Variants in EDA observed in about 807,000 individuals in gnomAD.
The protein encoded by EDA is ectodysplasin-A.
Under a neutral mutation model 23.6 loss-of-function variants are expected in EDA, and 2 were observed. That is an observed-to-expected ratio of 0.08 (90% CI 0.03 to 0.27). The LOEUF is 0.27. Among genes scored for constraint, EDA ranks in the 10% least tolerant of loss-of-function variants. The pLI is 1.00. For synonymous variants in EDA, 131 were observed against 132.0 expected (o/e 0.99, Z 0.05); for missense variants, 229 against 324.2 (o/e 0.71, Z 2.26).
At chrX:69,638,996 C>T (rs1267909861) in intron 1 of EDA, among the ~76,000 whole-genome samples, 1 of 107,461 alleles carries the variant, frequency 9.3e-6, no homozygotes, top group Non-Finnish European at 1.9e-5. Context: ...TTTGGCTACT[C>T]TAAATACCTC....
chrX:69,785,619 A>G (rs1309568849), intron 1 of EDA, among the ~76,000 whole-genome samples: 3 of 110,586 alleles, frequency 2.7e-5, no homozygotes, highest in Non-Finnish European at 5.7e-5. Flanking sequence ...ATATTGAACC[A>G]GCCTTGCATC....
intron 1 of EDA, among the ~76,000 whole-genome samples, chrX:69,843,643 T>C (rs5980866): frequency 0.23 from 25,320 of 110,107 alleles, 2,323 homozygotes; most frequent in African/African-American, 0.31. Flanking sequence ...AAAATGCAGA[T>C]GGTAAGACTT....
intron 1 of EDA, among the ~76,000 whole-genome samples, chrX:69,910,736 T>C (rs996114018): frequency 3.6e-5 from 4 of 111,636 alleles, no homozygotes; most frequent in Admixed American, 9.7e-5. Flanking sequence ...GGGTGAACTT[T>C]TATCTCAAAT....
At chrX:69,751,610 C>T (rs1218892502) in intron 1 of EDA, among the ~76,000 whole-genome samples, 1 of 111,898 alleles carries the variant, frequency 8.9e-6, no homozygotes, top group Admixed American at 9.4e-5. Context: ...TATAAATTAC[C>T]TTGGACAGTA....
intron 1 of EDA, among the ~76,000 whole-genome samples, chrX:69,869,259 A>G (rs773377746): frequency 9.0e-6 from 1 of 110,799 alleles, no homozygotes; most frequent in African/African-American, 3.3e-5. Context: ...GACCCACTGT[A>G]AGTCTGACCT....
chrX:70,013,868 A>G (rs1333673488), intron 2 of EDA, among the ~76,000 whole-genome samples: 1 of 112,313 alleles, frequency 8.9e-6, no homozygotes, highest in African/African-American at 3.2e-5. Context: ...CCTAAGGAGA[A>G]GAGGCCAGTC....
chrX:69,882,530 A>G (rs1472619904), intron 1 of EDA, among the ~76,000 whole-genome samples: 1 of 111,754 alleles, frequency 8.9e-6, no homozygotes, highest in African/African-American at 3.3e-5. Context: ...GTTCCATTTT[A>G]TGAGGTCCCC....
chrX:69,937,002 C>T (rs1377661398), intron 1 of EDA, among the ~76,000 whole-genome samples: 2 of 104,964 alleles, frequency 1.9e-5, no homozygotes, highest in African/African-American at 3.5e-5. Context: ...GAGATAGGAA[C>T]GATCATACTT....
chrX:69,661,603 A>T lies in EDA; in HGVS notation c.396+44899A>T, dbSNP rs1253232228. Among the ~76,000 whole-genome samples the T allele has an allele frequency of 2.7e-5, 3 of 111,255 alleles. No homozygotes were observed. In the East Asian group the frequency reaches 8.5e-4, roughly 31 times the overall value. On this transcript the variant is annotated intron_variant, in intron 1 of 7. Transcript: ENST00000374552. Reference sequence around the variant, plus strand: ...TCCCAGCACCATTTATTGAATAGGGAATCCTTTACCCATTTCTTGTTTTTG... The same window carrying T: ...TCCCAGCACCATTTATTGAATAGGGTATCCTTTACCCATTTCTTGTTTTTG...
intron 1 of EDA, among the ~76,000 whole-genome samples, chrX:69,678,654 A>C (rs955544570): frequency 2.8e-5 from 3 of 106,450 alleles, no homozygotes; most frequent in African/African-American, 6.9e-5. Flanking sequence ...AATGCTTGTG[A>C]TTTTTGTACA....
intron 1 of EDA, 115 bp from the exon 2 acceptor site, chrX:69,956,912 C>G: frequency 1.6e-6 from 1 of 621,483 alleles, no homozygotes; most frequent in Non-Finnish European, 2.7e-6. Context: ...TGGGCTCAGG[C>G]TTTAGACACA....
At chrX:69,675,417 A>C (rs994630844) in intron 1 of EDA, among the ~76,000 whole-genome samples, 1 of 111,609 alleles carries the variant, frequency 9.0e-6, no homozygotes, top group African/African-American at 3.3e-5. Flanking sequence ...AAATGAATTA[A>C]TTTCCACCCT....
chrX:69,960,512 T>G (rs1452532970), intron 2 of EDA, among the ~76,000 whole-genome samples: 1 of 111,171 alleles, frequency 9.0e-6, no homozygotes, highest in Non-Finnish European at 1.9e-5. Flanking sequence ...AAGTCTACAC[T>G]AAACATCACT....
chrX:69,836,280 G>A (rs774908983), intron 1 of EDA, among the ~76,000 whole-genome samples: 52 of 112,536 alleles, frequency 4.6e-4, no homozygotes, highest in Non-Finnish European at 9.2e-4. Context: ...CTGTCAGACA[G>A]GGACATTTAA....
intron 1 of EDA, among the ~76,000 whole-genome samples, chrX:69,891,868 G>A (rs1329183786): frequency 1.8e-5 from 2 of 110,911 alleles, no homozygotes; most frequent in Admixed American, 9.6e-5. Flanking sequence ...CGTGGCACAC[G>A]TTTACCTATG....
chrX:69,878,377 A>G (rs1166776728), intron 1 of EDA, among the ~76,000 whole-genome samples: 3 of 112,694 alleles, frequency 2.7e-5, no homozygotes, highest in African/African-American at 9.7e-5. Flanking sequence ...CAACATGGTG[A>G]GGCTGCCCAG....
At chrX:69,625,407 A>G (rs1043416890) in intron 1 of EDA, among the ~76,000 whole-genome samples, 39 of 111,437 alleles carry the variant, frequency 3.5e-4, no homozygotes, top group African/African-American at 1.3e-3. Context: ...TGGTACATCC[A>G]GGAATAAGAA....
intron 1 of EDA, among the ~76,000 whole-genome samples, chrX:69,644,522 G>A (rs745441436): frequency 5.4e-5 from 6 of 111,353 alleles, no homozygotes; most frequent in Non-Finnish European, 1.1e-4. Flanking sequence ...GGGCCGAGAT[G>A]ATGGGGTTTT....
intron 1 of EDA, among the ~76,000 whole-genome samples, chrX:69,662,599 G>A (rs1933549761): frequency 8.9e-6 from 1 of 112,304 alleles, no homozygotes; most frequent in South Asian, 3.7e-4. Context: ...CACCGAGGTA[G>A]TGGGACATTG....
Sources: gnomAD v4.1 joint callset for allele counts (sites outside exome capture counted in the v4.1 genomes callset) on GRCh38, gnomAD v4.1.1 for gene constraint, MANE v1.5 for transcripts, NCBI Gene and HGNC (gene_info 2026-07-23, HGNC 2026-07-21) for gene names.